Variants in RAP1GAP2 observed in about 807,000 individuals in gnomAD.
RAP1GAP2 encodes rap1 GTPase-activating protein 2.
Under a neutral mutation model 95.0 loss-of-function variants are expected in RAP1GAP2, and 27 were observed. The ratio of observed to expected loss-of-function variants is 0.28; its 90% CI spans 0.21 to 0.39. RAP1GAP2 has a LOEUF of 0.39. RAP1GAP2 is among the 10% of genes least tolerant of loss of function. RAP1GAP2 has a pLI of 1.00. For synonymous variants in RAP1GAP2, 373 were observed against 380.9 expected (o/e 0.98, Z 0.24); for missense variants, 771 against 970.0 (o/e 0.79, Z 2.72).
intron 10 of RAP1GAP2, 27 bp from the exon 11 acceptor site, chr17:2,984,955 AT>A (rs112744093): frequency 2.4e-4 from 364 of 1,544,176 alleles, no homozygotes; most frequent in East Asian, 1.3e-3. Flanking sequence ...ACAAATGTTG[AT>A]TTTTTTTTTC....
chr17:3,011,818 T>G (rs1412029979), intron 17 of RAP1GAP2, among the ~76,000 whole-genome samples: 1 of 151,946 alleles, frequency 6.6e-6, no homozygotes, highest in Non-Finnish European at 1.5e-5. Context: ...GACACCATCT[T>G]GGTCAGGCTG....
chr17:2,931,396 G>A (rs1203680217), intron 3 of RAP1GAP2, among the ~76,000 whole-genome samples: 1 of 152,006 alleles, frequency 6.6e-6, no homozygotes, highest in South Asian at 2.1e-4. Flanking sequence ...TGGATATTGT[G>A]GGACGCCACG....
chr17:2,818,399 A>G (rs1313989269), intron 2 of RAP1GAP2, among the ~76,000 whole-genome samples: 1 of 150,792 alleles, frequency 6.6e-6, no homozygotes, highest in Admixed American at 6.6e-5. Context: ...ATCTTGGCTC[A>G]CTGCAACCTC....
intron 1 of RAP1GAP2, among the ~76,000 whole-genome samples, chr17:2,762,961 C>A (rs1279571094): frequency 3.3e-5 from 5 of 152,104 alleles, no homozygotes; most frequent in African/African-American, 1.2e-4. Context: ...CAGGTGTGAG[C>A]CACCACACCC....
upstream of RAP1GAP2, among the ~76,000 whole-genome samples, chr17:2,791,561 G>A (rs2068924200): frequency 1.3e-5 from 2 of 152,184 alleles, no homozygotes; most frequent in Admixed American, 1.3e-4. Flanking sequence ...CATCAAGCTG[G>A]GTTAATTTGG....
chr17:2,909,617 G>A (rs1332203881), intron 3 of RAP1GAP2, among the ~76,000 whole-genome samples: 1 of 152,210 alleles, frequency 6.6e-6, no homozygotes, highest in African/African-American at 2.4e-5. Context: ...ACAGGCTGTC[G>A]GGAGGGGCCT....
At chr17:2,852,662 A>G (rs538920459) in intron 2 of RAP1GAP2, among the ~76,000 whole-genome samples, 2 of 152,398 alleles carry the variant, frequency 1.3e-5, no homozygotes, top group African/African-American at 2.4e-5. Flanking sequence ...TTCGGCCCCA[A>G]AGATGGACTA....
chr17:2,846,923 C>CACAATA (rs1567704208), intron 2 of RAP1GAP2, among the ~76,000 whole-genome samples: 2 of 152,090 alleles, frequency 1.3e-5, no homozygotes, highest in African/African-American at 4.8e-5. Flanking sequence ...TGCATTTTAG[C>CACAATA]TCACAATAGT....
intron 2 of RAP1GAP2, among the ~76,000 whole-genome samples, chr17:2,878,586 A>G (rs55819344): frequency 0.31 from 47,000 of 152,010 alleles, 8,356 homozygotes; most frequent in Admixed American, 0.44. Flanking sequence ...AACACCCTTG[A>G]TTTAGGGCAG....
rs111830371 is a variant in RAP1GAP2, at chr17:2,947,665, C to T, written c.166-10094C>T. Among the ~76,000 whole-genome samples, 1,029 of 152,108 alleles carry T rather than the reference C, an allele frequency of 6.8e-3. 18 individuals carry two copies. Among genetic ancestry groups the T allele is most frequent in the African/African-American group, 0.023 (964 of 41,506 alleles). ...TCTGTTCTGCAGCCAGCCTGGTGGCCGGCTGGTTCTCATCCTGCTTGCCCT... is the reference window on the plus strand; with the variant it reads ...TCTGTTCTGCAGCCAGCCTGGTGGCTGGCTGGTTCTCATCCTGCTTGCCCT... On this transcript the variant is annotated intron_variant, in intron 3 of 24. Transcript: ENST00000254695.
chr17:3,024,070 G>T (rs1033544442), intron 19 of RAP1GAP2, among the ~76,000 whole-genome samples: 2 of 152,184 alleles, frequency 1.3e-5, no homozygotes, highest in African/African-American at 4.8e-5. Context: ...ATAGGGTAGA[G>T]GTACTGATTA....
At chr17:2,801,199 G>A (rs2069277088) in intron 2 of RAP1GAP2, among the ~76,000 whole-genome samples, 1 of 151,246 alleles carries the variant, frequency 6.6e-6, no homozygotes. Flanking sequence ...ATTGGGCTGG[G>A]CATGGTGGCT....
upstream of RAP1GAP2, among the ~76,000 whole-genome samples, chr17:2,795,064 G>A (rs1390599347): frequency 3.3e-5 from 5 of 151,898 alleles, no homozygotes; most frequent in Non-Finnish European, 2.9e-5. Flanking sequence ...TTTTAGTAGA[G>A]ATGGGGTTTC....
At position 2,820,211 on chromosome 17, in the gene RAP1GAP2, C is replaced by T. The variant is rs2070221812; in HGVS notation, c.80+19661C>T. On this transcript the variant is annotated intron_variant, in intron 2 of 24. Transcript: ENST00000254695. ...TTTTCTGATATTGCAAGCAATGCTGCAGGCAGTGGCTTTCCCCTTGCCTGG... is the reference window on the plus strand; with the variant it reads ...TTTTCTGATATTGCAAGCAATGCTGTAGGCAGTGGCTTTCCCCTTGCCTGG... 2.0e-5 allele frequency among the ~76,000 whole-genome samples: 3 copies of T among 152,272 alleles called. No homozygotes were observed. The South Asian group carries it at 6.2e-4, about 32-fold the overall frequency.
chr17:2,892,434 C>T (rs552605884), intron 2 of RAP1GAP2, among the ~76,000 whole-genome samples: 2 of 152,162 alleles, frequency 1.3e-5, no homozygotes, highest in Non-Finnish European at 2.9e-5. Context: ...GCTTTCACAA[C>T]GTCTGGGGAC....
chr17:2,990,965 C>A (rs772423800), intron 11 of RAP1GAP2, among the ~76,000 whole-genome samples: 7 of 151,620 alleles, frequency 4.6e-5, no homozygotes, highest in Non-Finnish European at 1.5e-5. Flanking sequence ...CTCTCTCAGT[C>A]TCCCGAGCAG....
intron 3 of RAP1GAP2, among the ~76,000 whole-genome samples, chr17:2,944,282 G>T (rs546827686): frequency 6.6e-5 from 10 of 151,870 alleles, no homozygotes; most frequent in Admixed American, 5.2e-4. Context: ...GCCGCTATGG[G>T]AAACAGCACG....
chr17:2,881,786 G>C (rs1450268154), intron 2 of RAP1GAP2, among the ~76,000 whole-genome samples: 1 of 151,492 alleles, frequency 6.6e-6, no homozygotes, highest in Non-Finnish European at 1.5e-5. Flanking sequence ...TTTTTTTCTC[G>C]ATGATGGCCA....
chr17:2,800,485 TG>T, intron 1 of RAP1GAP2, 29 bp from the exon 2 acceptor site: 1 of 1,608,576 alleles, frequency 6.2e-7, no homozygotes, highest in Non-Finnish European at 8.5e-7. Flanking sequence ...GCCTCAGCAC[TG>T]ACCGGAGCCC....
Sources: allele counts gnomAD v4.1 joint callset (sites outside exome capture counted in the v4.1 genomes callset), GRCh38; gene constraint gnomAD v4.1.1; transcripts MANE v1.5; gene names NCBI Gene and HGNC (gene_info 2026-07-23, HGNC 2026-07-21).